The following SYNE2 variants were observed in gnomAD, a reference collection of about 807,000 sequenced individuals.
SYNE2 encodes spectrin repeat containing nuclear envelope protein 2, also known as nesprin-2.
SYNE2 carries 431 observed loss-of-function variants against 856.3 expected under a neutral mutation model. The ratio of observed to expected loss-of-function variants is 0.50; its 90% confidence interval spans 0.47 to 0.55. The LOEUF is 0.55. Among genes scored for constraint, SYNE2 ranks in the 20% least tolerant of loss-of-function variants. SYNE2 has a pLI of 0.00. For synonymous variants in SYNE2, 2,923 were observed against 2,872.3 expected (o/e 1.02, Z -0.56); for missense variants, 8,129 against 8,023.2 (o/e 1.01, Z -0.50).
intron 95 of SYNE2, among the ~76,000 whole-genome samples, chr14:64,176,949 C>A (rs1002399911): frequency 1.3e-5 from 2 of 152,056 alleles, no homozygotes; most frequent in Admixed American, 6.6e-5. Context: ...AGGCACATAC[C>A]ACCACACCCA....
chr14:64,220,699 C>T, intron 111 of SYNE2, 62 bp downstream of exon 111: 1 of 1,577,144 alleles, frequency 6.3e-7, no homozygotes, highest in Non-Finnish European at 8.7e-7. Flanking sequence ...GTAGGAGCAG[C>T]AGATATTTTT....
intron 1 of SYNE2, among the ~76,000 whole-genome samples, chr14:63,830,934 G>A (rs1297579391): frequency 2.8e-5 from 4 of 143,978 alleles, no homozygotes; most frequent in African/African-American, 5.2e-5. Context: ...TCCACCTTCC[G>A]GGTTCAAGTG....
At chr14:64,212,254 G>A (rs188319000) in intron 104 of SYNE2, among the ~76,000 whole-genome samples, 156 bp downstream of exon 104, 6 of 152,308 alleles carry the variant, frequency 3.9e-5, no homozygotes, top group East Asian at 1.9e-4. Context: ...AGATTATCAC[G>A]TGCAAGGATA....
rs759543992 is a variant in SYNE2, at chr14:64,002,727, A to G, written c.3794A>G (p.Gln1265Arg). 32 of 1,611,904 alleles carry G rather than the reference A, an allele frequency of 2.0e-5. No individual in the cohort carries two copies. In the South Asian group the frequency reaches 3.2e-4, roughly 16 times the overall value. ...TTCTTATCTTTATTTTAGAATATCC[A>G]AGATTCCATAGCAAAACAGATTGAA... ...DRIYQHLRNI[Q>R]DSIAKQIEIC... The change falls in exon 30 of 116, where the codon CAA (glutamine) becomes CGA (arginine). Residue 1265 changes from glutamine (Q) to arginine (R), a missense_variant. Gln to Arg is a conservative substitution (Grantham distance 43). Around this residue, in one of 3 missense-constraint regions of SYNE2, gnomAD observed 2,422 missense variants for 2,357.4 expected, o/e 1.03. Coordinates refer to ENST00000555002, the MANE Select transcript of SYNE2 (RefSeq NM_182914.3).
At chr14:64,198,129 A>G (rs938239901) in intron 99 of SYNE2, among the ~76,000 whole-genome samples, 7 of 152,166 alleles carry the variant, frequency 4.6e-5, no homozygotes, top group African/African-American at 1.7e-4. Context: ...GAGAAAGGTT[A>G]TTTGTTGAAA....
chr14:64,022,895 T>A, intron 38 of SYNE2, 32 bp downstream of exon 38: 1 of 1,182,592 alleles, frequency 8.5e-7, no homozygotes, highest in Non-Finnish European at 1.2e-6. Context: ...TTAATAAAAA[T>A]TTTCAATACT....
intron 62 of SYNE2, 85 bp from the exon 63 acceptor site, chr14:64,098,662 G>T: frequency 7.1e-7 from 1 of 1,411,794 alleles, no homozygotes; most frequent in Non-Finnish European, 9.9e-7. Context: ...TAAAAAATTA[G>T]CTACATAAAA....
In SYNE2 at chr14:64,126,410, T is replaced by C; in HGVS notation, c.13638T>C (p.Ser4546=). 6.2e-7 allele frequency: 1 copy of C among 1,614,118 alleles called. No individual in the cohort carries two copies. The highest frequency in any genetic ancestry group is 8.5e-7 in the Non-Finnish European group (1 of 1,179,996). The change falls in exon 72 of 116, where the codon AGT becomes AGC. Residue 4546 remains serine, a synonymous_variant. Transcript: ENST00000555002. The part of the protein sequence containing the change: ...LFLTLSQCLS[S]VEEMLEMPRL... Reference sequence around the variant, plus strand: ...TGACCCTCAGTCAGTGCCTCAGCAGTGTGGAGGAGATGCTGGAGATGCCCA... The same window carrying C: ...TGACCCTCAGTCAGTGCCTCAGCAGCGTGGAGGAGATGCTGGAGATGCCCA...
At position 64,214,453 on chromosome 14, in the gene SYNE2, A is replaced by T. The variant is rs753261176; in HGVS notation, c.19316A>T (p.Tyr6439Phe). The change falls in exon 106 of 116, where the codon TAC (tyrosine) becomes TTC (phenylalanine). Residue 6439 changes from tyrosine (Y) to phenylalanine (F), a missense_variant. Around this residue, in one of 3 missense-constraint regions of SYNE2, gnomAD observed 5,410 missense variants for 5,284.8 expected, o/e 1.02. Transcript: ENST00000555002. ...CACGAAGAGGACGAGGAGGGCCCAT[A>T]CTACAGCGCACTGTCAGGTAACAGC... is the stretch of plus-strand genomic sequence containing the variant. Reference protein sequence around the residue: ...SSHEEDEEGPYYSALSDVEIP... With the variant: ...SSHEEDEEGPFYSALSDVEIP... 6.2e-7 allele frequency: 1 copy of T among 1,613,016 alleles called. No homozygotes were observed. Among genetic ancestry groups the T allele is most frequent in the Non-Finnish European group, 8.5e-7 (1 of 1,179,874 alleles).
intron 9 of SYNE2, among the ~76,000 whole-genome samples, chr14:63,963,585 C>T (rs986256579): frequency 3.3e-5 from 5 of 152,048 alleles, no homozygotes; most frequent in African/African-American, 1.2e-4. Flanking sequence ...CCCCATATTT[C>T]GATTTATTGG....
At chr14:64,058,631 C>T (rs1416724591) in intron 49 of SYNE2, among the ~76,000 whole-genome samples, 2 of 152,128 alleles carry the variant, frequency 1.3e-5, no homozygotes, top group Non-Finnish European at 2.9e-5. Flanking sequence ...AGGCACAAGC[C>T]ACCACACTGG....
chr14:64,118,822 C>G (rs2097874496), intron 66 of SYNE2, among the ~76,000 whole-genome samples: 2 of 149,342 alleles, frequency 1.3e-5, no homozygotes, highest in South Asian at 4.2e-4. Context: ...GATCACACCA[C>G]TGCACTCTAT....
At chr14:64,208,713 T>C (rs1412474120) in intron 100 of SYNE2, 45 bp from the exon 101 acceptor site, 1 of 1,608,142 alleles carries the variant, frequency 6.2e-7, no homozygotes, top group South Asian at 1.1e-5. Context: ...ACCCTCCTGC[T>C]GCCACCAACA....
chr14:63,969,226 A>G (rs898026673), intron 11 of SYNE2, among the ~76,000 whole-genome samples: 1 of 149,344 alleles, frequency 6.7e-6, no homozygotes. Context: ...CTAGAGTGCA[A>G]TGGTGTGATC....
At chr14:64,222,427 C>T (rs1004711925) in intron 112 of SYNE2, among the ~76,000 whole-genome samples, 2 of 152,098 alleles carry the variant, frequency 1.3e-5, no homozygotes, top group African/African-American at 2.4e-5. Context: ...TTTAAATAGC[C>T]ACATGTAGGC....
At chr14:63,899,345 G>A (rs1243825734) in intron 1 of SYNE2, among the ~76,000 whole-genome samples, 2 of 152,138 alleles carry the variant, frequency 1.3e-5, no homozygotes, top group Non-Finnish European at 2.9e-5. Flanking sequence ...GGGACTATAG[G>A]CGCCTGCCAC....
rs2096728525 is a variant in SYNE2 at position 63,998,321 on chromosome 14, C to T, written c.3346C>T (p.Leu1116=). The T allele has an allele frequency of 2.5e-6, 4 of 1,602,920 alleles. No individual in the cohort carries two copies. Among genetic ancestry groups the T allele is most frequent in the Non-Finnish European group, 3.4e-6 (4 of 1,169,916 alleles). ...TTACAGTGCATCTATAAATAGTTTA[C>T]TAGAGAGGTAAACTCTTTTTAAAAA... ...KDYSASINSL[L]ERYDTYRDIL... Residue 1116 remains leucine (L), a synonymous_variant, in exon 26 of 116, where the codon CTA becomes TTA. Transcript: ENST00000555002.
chr14:63,867,873 T>C (rs1895841894), intron 1 of SYNE2, among the ~76,000 whole-genome samples: 2 of 151,564 alleles, frequency 1.3e-5, no homozygotes, highest in African/African-American at 4.9e-5. Flanking sequence ...ACCTGGACAA[T>C]ATAGCAAGAC....
chr14:64,144,764 AC>A (rs2098167584), intron 83 of SYNE2, among the ~76,000 whole-genome samples: 1 of 152,174 alleles, frequency 6.6e-6, no homozygotes, highest in African/African-American at 2.4e-5. Flanking sequence ...CACCTCTTAC[AC>A]ATTTAAGTAG....
Sources: allele counts gnomAD v4.1 joint callset (sites outside exome capture counted in the v4.1 genomes callset), GRCh38; gene constraint gnomAD v4.1.1; regional missense constraint gnomAD v4.1.1; transcripts MANE v1.5; gene names NCBI Gene and HGNC (gene_info 2026-07-23, HGNC 2026-07-21).